The following GRIP1 variants were observed in gnomAD, a reference collection of about 807,000 sequenced individuals.
GRIP1 encodes the protein glutamate receptor-interacting protein 1.
A neutral mutation model predicts 129.9 loss-of-function variants in GRIP1; 45 were observed. That is an observed-to-expected ratio of 0.35 (90% confidence interval 0.27 to 0.44). GRIP1 has a LOEUF of 0.44. GRIP1 is among the 20% of genes least tolerant of loss of function. The probability of loss-of-function intolerance (pLI) is 1.00; values close to 1 mark genes in which losing one functional copy is unlikely to be tolerated. For synonymous variants in GRIP1, 530 were observed against 520.8 expected, an observed-to-expected ratio of 1.02 and a Z score of -0.24; for missense variants, 1,196 against 1,396.8, an observed-to-expected ratio of 0.86 and a Z score of 2.29.
At chr12:66,526,734 G>C (rs1306003446) in intron 5 of GRIP1, among the ~76,000 whole-genome samples, 17 of 151,864 alleles carry the variant, frequency 1.1e-4, no homozygotes, top group African/African-American at 2.9e-4. Flanking sequence ...CCATCAGAGT[G>C]AACAGGCAAC....
At chr12:66,778,597 T>G (rs2038062206) in intron 1 of GRIP1, among the ~76,000 whole-genome samples, 1 of 152,180 alleles carries the variant, frequency 6.6e-6, no homozygotes, top group African/African-American at 2.4e-5. Flanking sequence ...TTTTTCTGCA[T>G]GTTTGTGTAG....
At chr12:66,500,469 T>C (rs76353087) in intron 7 of GRIP1, among the ~76,000 whole-genome samples, 1,835 of 152,186 alleles carry the variant, frequency 0.012, 42 homozygotes, top group East Asian at 0.1. Context: ...AGACTAAAAA[T>C]TGTGGTCTTT....
At chr12:67,000,496 T>C (rs573426136) in intron 1 of GRIP1, among the ~76,000 whole-genome samples, 1 of 152,246 alleles carries the variant, frequency 6.6e-6, no homozygotes, top group Non-Finnish European at 1.5e-5. Context: ...ATGCCATCCC[T>C]TTGGAGAGCT....
chr12:66,990,769 T>C (rs1028808581), intron 1 of GRIP1, among the ~76,000 whole-genome samples: 4 of 151,452 alleles, frequency 2.6e-5, no homozygotes, highest in Non-Finnish European at 1.5e-5. Context: ...CTGAGGTGAG[T>C]GGATGACCTG....
rs558934882 is a variant in GRIP1 at position 66,502,457 on chromosome 12, T to C, written c.724+13162A>G. ...GTGTTACTCAGGAATTTGAAAGTGG[T>C]TATGAATACCTCTAATATCATTTGG... On this transcript the variant is annotated intron_variant, in intron 7 of 24. Transcript: ENST00000359742. Among the ~76,000 whole-genome samples the C allele has an allele frequency of 3.3e-5, 5 of 152,306 alleles. No homozygotes were observed. The South Asian group carries it at 1.0e-3, about 32-fold the overall frequency.
At chr12:66,856,246 T>G (rs2040001382) in intron 1 of GRIP1, among the ~76,000 whole-genome samples, 1 of 152,162 alleles carries the variant, frequency 6.6e-6, no homozygotes, top group Admixed American at 6.5e-5. Context: ...GACTTACATG[T>G]TAGAACTAAA....
chr12:66,839,333 C>G (rs1212890796), intron 1 of GRIP1, among the ~76,000 whole-genome samples: 1 of 152,064 alleles, frequency 6.6e-6, no homozygotes, highest in African/African-American at 2.4e-5. Flanking sequence ...TATACAGATG[C>G]AGATGACTCC....
At chr12:66,972,527 AT>A (rs2042089319) in intron 1 of GRIP1, among the ~76,000 whole-genome samples, 1 of 152,170 alleles carries the variant, frequency 6.6e-6, no homozygotes, top group Non-Finnish European at 1.5e-5. Context: ...GGAAAGCTGA[AT>A]TTTTTATTTT....
intron 1 of GRIP1, among the ~76,000 whole-genome samples, chr12:66,608,543 G>C (rs1327756682): frequency 1.3e-5 from 2 of 152,102 alleles, no homozygotes; most frequent in Admixed American, 6.5e-5. Flanking sequence ...ACGTTGGCCA[G>C]GCTGTTCTCG....
intron 8 of GRIP1, among the ~76,000 whole-genome samples, chr12:66,463,756 A>T (rs2059203624): frequency 6.6e-6 from 1 of 152,208 alleles, no homozygotes; most frequent in South Asian, 2.1e-4. Context: ...GGAAGGGGCT[A>T]GCTGCTACAT....
chr12:66,529,733 A>AT, intron 5 of GRIP1, 98 bp downstream of exon 5: 1 of 788,310 alleles, frequency 1.3e-6, no homozygotes, highest in Non-Finnish European at 2.3e-6. Flanking sequence ...TCACCACTAA[A>AT]TAACTTATTC....
At chr12:66,408,525 T>C (rs1041649315) in intron 15 of GRIP1, among the ~76,000 whole-genome samples, 26 of 152,148 alleles carry the variant, frequency 1.7e-4, no homozygotes, top group African/African-American at 5.3e-4. Flanking sequence ...TCAGCAGCAG[T>C]AGTCAGGTAG....
At chr12:66,620,057 G>A (rs1257469482) in intron 1 of GRIP1, among the ~76,000 whole-genome samples, 1 of 152,114 alleles carries the variant, frequency 6.6e-6, no homozygotes, top group Admixed American at 6.6e-5. Context: ...ATAATATATG[G>A]AGATCAAAGC....
intron 1 of GRIP1, among the ~76,000 whole-genome samples, chr12:66,666,996 G>T (rs934131385): frequency 6.6e-6 from 1 of 151,552 alleles, no homozygotes; most frequent in Non-Finnish European, 1.5e-5. Flanking sequence ...CATTTTCCAC[G>T]ATGTCCTGGA....
At chr12:66,873,048 A>G (rs2040322366) in intron 1 of GRIP1, among the ~76,000 whole-genome samples, 1 of 152,044 alleles carries the variant, frequency 6.6e-6, no homozygotes, top group African/African-American at 2.4e-5. Flanking sequence ...TGGCCTACTC[A>G]ATAGAGTACC....
intron 1 of GRIP1, among the ~76,000 whole-genome samples, chr12:66,886,123 AG>A (rs1390489734): frequency 6.6e-6 from 1 of 151,948 alleles, no homozygotes; most frequent in African/African-American, 2.4e-5. Flanking sequence ...CAAATTAGCC[AG>A]GCGTGGTGGG....
chr12:66,482,561 CAT>C (rs1364997973), intron 7 of GRIP1, among the ~76,000 whole-genome samples: 1 of 152,226 alleles, frequency 6.6e-6, no homozygotes, highest in Non-Finnish European at 1.5e-5. Context: ...CCCACAACAA[CAT>C]CAAAGCAGCT....
intron 1 of GRIP1, among the ~76,000 whole-genome samples, chr12:66,992,922 G>A (rs73133674): frequency 0.12 from 18,014 of 152,164 alleles, 1,295 homozygotes; most frequent in African/African-American, 0.19. Context: ...AGACCACGCT[G>A]GGCAACATGG....
intron 15 of GRIP1, among the ~76,000 whole-genome samples, chr12:66,415,123 C>G (rs971669728): frequency 6.6e-6 from 1 of 151,740 alleles, no homozygotes; most frequent in Non-Finnish European, 1.5e-5. Flanking sequence ...ACAAAAGAAA[C>G]TTTGATAAAT....
Sources: gnomAD v4.1 joint callset for allele counts (sites outside exome capture counted in the v4.1 genomes callset) on GRCh38, gnomAD v4.1.1 for gene constraint, MANE v1.5 for transcripts, NCBI Gene and HGNC (gene_info 2026-07-23, HGNC 2026-07-21) for gene names.